The following GRB14 variants were observed in gnomAD, a reference collection of about 807,000 sequenced individuals.
GRB14 encodes growth factor receptor-bound protein 14.
In GRB14, 38 loss-of-function variants were observed where a neutral mutation model predicts 69.1. That is an observed-to-expected ratio of 0.55 (90% CI 0.42 to 0.72). The LOEUF (loss-of-function observed/expected upper bound fraction) is 0.72, where lower values mean the gene tolerates loss of function less well. GRB14 is among the 30% of genes least tolerant of loss of function. The probability of loss-of-function intolerance (pLI) is 0.00; values close to 1 mark genes in which losing one functional copy is unlikely to be tolerated. For missense variants in GRB14, 666 were observed against 666.1 expected, an observed-to-expected ratio of 1.00 and a Z score of 0.00; for synonymous variants, 247 against 241.3, an observed-to-expected ratio of 1.02 and a Z score of -0.22.
In GRB14 at chr2:164,518,091, A is replaced by T. The variant is rs114717351; in HGVS notation, c.816+3889T>A. Among the ~76,000 whole-genome samples, 1,472 of 152,310 alleles carry T rather than the reference A, an allele frequency of 9.7e-3. 14 individuals carry two copies. The highest frequency in any genetic ancestry group is 0.015 in the Non-Finnish European group (1,046 of 68,004). ...CATTCTATTCATCAGCACACAGAACATTCTCCAAGGTAGACCATATGATAC... is the reference window on the plus strand; with the variant it reads ...CATTCTATTCATCAGCACACAGAACTTTCTCCAAGGTAGACCATATGATAC... On this transcript the variant is annotated intron_variant, in intron 6 of 13. Transcript: ENST00000263915.
chr2:164,618,912 T>C (rs1210930071), intron 2 of GRB14, among the ~76,000 whole-genome samples: 2 of 152,244 alleles, frequency 1.3e-5, no homozygotes, highest in African/African-American at 4.8e-5. Context: ...GCATTTTGTC[T>C]AGTGAGGCTT....
chr2:164,554,902 C>G (rs1030977372), intron 2 of GRB14, among the ~76,000 whole-genome samples: 2 of 149,864 alleles, frequency 1.3e-5, no homozygotes, highest in Non-Finnish European at 3.0e-5. Flanking sequence ...TGTTAAAGCA[C>G]AAGAAGAAAT....
chr2:164,600,552 C>T (rs149050717), intron 2 of GRB14, among the ~76,000 whole-genome samples: 40 of 152,060 alleles, frequency 2.6e-4, no homozygotes, highest in African/African-American at 6.0e-4. Flanking sequence ...AAGAATCTCC[C>T]GGCAGGTACT....
chr2:164,602,920 G>C (rs1385965586), intron 2 of GRB14, among the ~76,000 whole-genome samples: 1 of 152,122 alleles, frequency 6.6e-6, no homozygotes, highest in Non-Finnish European at 1.5e-5. Context: ...AAGGAAAAGA[G>C]ATATGCAGGA....
chr2:164,545,743 T>G (rs2105308334), intron 3 of GRB14, among the ~76,000 whole-genome samples: 1 of 152,358 alleles, frequency 6.6e-6, no homozygotes, highest in South Asian at 2.1e-4. Flanking sequence ...CTTCCTGTCT[T>G]ATCTACTTAT....
chr2:164,560,296 G>T (rs1324232347), intron 2 of GRB14, among the ~76,000 whole-genome samples: 1 of 152,064 alleles, frequency 6.6e-6, no homozygotes, highest in East Asian at 1.9e-4. Context: ...CTTTTTGAGT[G>T]TCAAAAAAAG....
chr2:164,495,220 G>T (rs575641358), intron 12 of GRB14, among the ~76,000 whole-genome samples: 1 of 152,176 alleles, frequency 6.6e-6, no homozygotes, highest in South Asian at 2.1e-4. Flanking sequence ...GAGATTACAG[G>T]CATGAGCCAC....
rs112054466 is a variant in GRB14, at chr2:164,533,931, G to T, written c.482-6796C>A. ...AAATAAAATAAAGGATAAAAGATTT[G>T]CAGAAAATGTCACAGAACTATAAAA... On this transcript the variant is annotated intron_variant, in intron 3 of 13. Transcript: ENST00000263915. Among the ~76,000 whole-genome samples, 555 of 152,204 alleles carry T rather than the reference G, an allele frequency of 3.6e-3. 4 individuals are homozygous for T. The highest frequency in any genetic ancestry group is 0.013 in the African/African-American group (528 of 41,536).
chr2:164,602,176 A>AGAAGGGAAGG (rs560993037), intron 2 of GRB14, among the ~76,000 whole-genome samples: 4 of 147,442 alleles, frequency 2.7e-5, no homozygotes, highest in South Asian at 2.2e-4. Flanking sequence ...AGAAGGGAAG[A>AGAAGGGAAGG]GAAGGGAAGG....
chr2:164,508,510 C>T lies in GRB14; in HGVS notation c.968G>A (p.Cys323Tyr), dbSNP rs896387866. 1.5e-5 allele frequency: 25 copies of T among 1,613,992 alleles called. No homozygotes were observed. Among genetic ancestry groups the T allele is most frequent in the African/African-American group, 4.0e-5 (3 of 74,930 alleles). The change falls in exon 8 of 14, where the codon TGT becomes TAT. Residue 323 changes from cysteine to tyrosine, a missense_variant. By Grantham distance (194) the Cys-to-Tyr change is radical. Transcript: ENST00000263915. The stretch of plus-strand genomic sequence containing the variant: ...CGTCCTACTCTGCTCTTCTTCTGCA[C>T]AGAGCATTTTCAGGTCTCGGGGCCC... ...AGGPRDLKML[C>Y]AEEEQSRTCW...
At chr2:164,595,362 C>A (rs961768257) in intron 2 of GRB14, among the ~76,000 whole-genome samples, 3 of 152,134 alleles carry the variant, frequency 2.0e-5, no homozygotes, top group African/African-American at 7.2e-5. Context: ...ACTATTGGGG[C>A]ACAGATGTTA....
At chr2:164,579,033 T>TAA (rs764884925) in intron 2 of GRB14, among the ~76,000 whole-genome samples, 5 of 151,018 alleles carry the variant, frequency 3.3e-5, no homozygotes, top group African/African-American at 1.2e-4. Flanking sequence ...GTGTCCAATT[T>TAA]AAAAAAAAAC....
chr2:164,530,119 G>A (rs948700512), intron 3 of GRB14, among the ~76,000 whole-genome samples: 1 of 152,170 alleles, frequency 6.6e-6, no homozygotes, highest in Non-Finnish European at 1.5e-5. Context: ...AATTTATATA[G>A]GAAAGGGGTT....
At chr2:164,582,074 C>G (rs145165635) in intron 2 of GRB14, among the ~76,000 whole-genome samples, 1 of 152,160 alleles carries the variant, frequency 6.6e-6, no homozygotes, top group Non-Finnish European at 1.5e-5. Context: ...TTATCTTCTG[C>G]CCAGATATCT....
intron 2 of GRB14, among the ~76,000 whole-genome samples, chr2:164,554,066 A>G (rs1400426168): frequency 6.6e-6 from 1 of 152,144 alleles, no homozygotes; most frequent in East Asian, 1.9e-4. Flanking sequence ...CTTCCTATTT[A>G]AGAAGAATTC....
intron 2 of GRB14, among the ~76,000 whole-genome samples, chr2:164,592,397 G>C (rs572686171): frequency 1.3e-5 from 2 of 152,178 alleles, no homozygotes; most frequent in East Asian, 3.9e-4. Context: ...ACCTCCCAAA[G>C]TGCTGGGATT....
At chr2:164,503,038 C>A (rs772139018) in intron 8 of GRB14, among the ~76,000 whole-genome samples, 12 of 151,724 alleles carry the variant, frequency 7.9e-5, no homozygotes, top group Non-Finnish European at 1.8e-4. Context: ...AATTGGAAAA[C>A]CGGTCTGGAT....
chr2:164,565,951 T>G (rs1281479777), intron 2 of GRB14, among the ~76,000 whole-genome samples: 2 of 152,196 alleles, frequency 1.3e-5, no homozygotes, highest in South Asian at 2.1e-4. Context: ...TCAGACACAC[T>G]ACCTGATAAG....
chr2:164,517,564 C>T (rs991732804), intron 6 of GRB14, among the ~76,000 whole-genome samples: 1 of 152,106 alleles, frequency 6.6e-6, no homozygotes, highest in African/African-American at 2.4e-5. Flanking sequence ...TTAAAAGATA[C>T]AGAATGGAAG....
Sources: allele counts gnomAD v4.1 joint callset (sites outside exome capture counted in the v4.1 genomes callset), GRCh38; gene constraint gnomAD v4.1.1; transcripts MANE v1.5; gene names NCBI Gene and HGNC (gene_info 2026-07-23, HGNC 2026-07-21).